Variants in HHLA1 observed in about 807,000 individuals in gnomAD.
HHLA1 encodes HERV-H LTR-associating protein 1.
Under a neutral mutation model 69.9 loss-of-function variants are expected in HHLA1, and 72 were observed. The ratio of observed to expected loss-of-function variants is 1.03; its 90% CI spans 0.85 to 1.25. HHLA1 has a LOEUF of 1.25. Ranked by LOEUF, HHLA1 falls within the 50% of genes most tolerant of loss-of-function variation. The probability of loss-of-function intolerance (pLI) is 0.00; values close to 1 mark genes in which losing one functional copy is unlikely to be tolerated. For missense variants in HHLA1, 685 were observed against 642.2 expected, an observed-to-expected ratio of 1.07 and a Z score of -0.72; for synonymous variants, 252 against 233.2, an observed-to-expected ratio of 1.08 and a Z score of -0.73.
intron 3 of HHLA1, among the ~76,000 whole-genome samples, chr8:132,103,110 G>A (rs1824138266): frequency 6.6e-6 from 1 of 152,172 alleles, no homozygotes; most frequent in East Asian, 1.9e-4. Context: ...TACCTGTGGG[G>A]CAGGAATTGT....
intron 10 of HHLA1, among the ~76,000 whole-genome samples, chr8:132,087,445 A>G (rs1823881450): frequency 6.6e-6 from 1 of 152,168 alleles, no homozygotes; most frequent in Non-Finnish European, 1.5e-5. Flanking sequence ...CCAGTTGCTT[A>G]TTGCCATGTG....
intron 10 of HHLA1, among the ~76,000 whole-genome samples, chr8:132,086,173 C>T (rs1321027582): frequency 2.0e-5 from 3 of 152,128 alleles, no homozygotes; most frequent in Non-Finnish European, 4.4e-5. Flanking sequence ...ATTAGTTTCA[C>T]TTTATATCTT....
intron 5 of HHLA1, among the ~76,000 whole-genome samples, chr8:132,097,575 G>A (rs1824045200): frequency 6.6e-6 from 1 of 152,218 alleles, no homozygotes; most frequent in Admixed American, 6.5e-5. Flanking sequence ...ACAGAGCCCA[G>A]TGCAGGGCCT....
At chr8:132,103,925 A>G (rs1210507542) in intron 3 of HHLA1, 183 bp downstream of exon 3, 3 of 553,920 alleles carry the variant, frequency 5.4e-6, no homozygotes, top group Non-Finnish European at 9.7e-6. Flanking sequence ...GGATTTATTA[A>G]GATCACAAGG....
intron 14 of HHLA1, among the ~76,000 whole-genome samples, chr8:132,074,874 G>A (rs762575842): frequency 1.3e-5 from 2 of 152,146 alleles, no homozygotes; most frequent in Admixed American, 6.6e-5. Context: ...TAAATAGATA[G>A]ATATGGTAAA....
chr8:132,064,915 C>T lies in HHLA1; in HGVS notation c.1553-877G>A, dbSNP rs748368221. Reference sequence around the variant, plus strand: ...GAAAGATTGGGTTATTACACTGTTTCGTTTGTTTGTTCAAATGTAAAACAT... The same window carrying T: ...GAAAGATTGGGTTATTACACTGTTTTGTTTGTTTGTTCAAATGTAAAACAT... On this transcript the variant is annotated intron_variant, in intron 16 of 16. Coordinates refer to ENST00000414222, the MANE Select transcript of HHLA1 (RefSeq NM_001145095.3). 5.9e-5 allele frequency among the ~76,000 whole-genome samples: 9 copies of T among 152,226 alleles called. No individual in the cohort carries two copies. The East Asian group carries it at 1.5e-3, about 26-fold the overall frequency.
At position 132,085,398 on chromosome 8, in the gene HHLA1, C is replaced by T. The variant is rs200222652; in HGVS notation, c.676+2255G>A. The T allele has an allele frequency of 4.3e-4, 156 of 365,992 alleles. No homozygotes were observed. In the East Asian group the frequency reaches 6.0e-3, roughly 14 times the overall value. The allele number at this position is 365,992 out of a possible 1,614,324, so 22.7% of individuals were successfully genotyped here. On this transcript the variant is annotated intron_variant, in intron 10 of 16. Transcript: ENST00000414222. ...GTTGGAGATGAGAGTAAAAAGAGGC[C>T]GCTTACCGGATTTGAAATTGGTGAG... is the stretch of plus-strand genomic sequence containing the variant.
At chr8:132,083,620 C>G (rs1333962441) in intron 10 of HHLA1, among the ~76,000 whole-genome samples, 2 of 152,150 alleles carry the variant, frequency 1.3e-5, no homozygotes, top group Non-Finnish European at 2.9e-5. Context: ...AGTGGGGTCC[C>G]ACACAGATGG....
rs767954341 is a variant in HHLA1 at position 132,104,090 on chromosome 8, C to T, written c.139+18G>A. On this transcript the variant is annotated intron_variant, in intron 3 of 16. Coordinates refer to ENST00000414222, the MANE Select transcript of HHLA1 (RefSeq NM_001145095.3). ...CCAAGAACAGTGAGCTGAAAAGGAG[C>T]CCTTATCACCCACTTACCTGTTGTA... 6.5e-7 allele frequency: 1 copy of T among 1,537,022 alleles called. No homozygotes were observed.
At chr8:132,095,809 GAGAC>G (rs1347516210) in intron 5 of HHLA1, 23 bp from the exon 6 acceptor site, 3 of 1,464,550 alleles carry the variant, frequency 2.0e-6, no homozygotes, top group Non-Finnish European at 2.8e-6. Context: ...ACCAGATAAA[GAGAC>G]AGACAGATGC....
chr8:132,087,632 G>C (rs1214909121), intron 10 of HHLA1, 21 bp downstream of exon 10: 2 of 1,510,660 alleles, frequency 1.3e-6, no homozygotes, highest in East Asian at 2.5e-5. Context: ...TATGGGAGGA[G>C]TTTGGGAGGT....
At chr8:132,071,642 C>T in intron 14 of HHLA1, 149 bp from the exon 15 acceptor site, 2 of 683,282 alleles carry the variant, frequency 2.9e-6, no homozygotes, top group East Asian at 2.9e-5. Flanking sequence ...CTCACCATTA[C>T]CCAATAAAGC....
Position 132,098,925 on chromosome 8 carries a change from G to A in HHLA1, c.237C>T (p.Asn79=), listed in dbSNP as rs1479500675. 1 of 1,551,362 alleles carries A rather than the reference G, an allele frequency of 6.4e-7. No individual in the cohort carries two copies. Residue 79 remains asparagine, a synonymous_variant, in exon 5 of 17, where the codon AAC becomes AAT. Transcript: ENST00000414222. ...GCATCCCATTCACAAGCTCTGTCAG[G>A]TTAAGCGCGGACAGATCGATTGACC... The part of the protein sequence containing the change: ...PARSIDLSAL[N]LTELVNGMLS...
At chr8:132,083,642 G>C (rs866284185) in intron 10 of HHLA1, among the ~76,000 whole-genome samples, 8 of 152,166 alleles carry the variant, frequency 5.3e-5, no homozygotes, top group South Asian at 4.1e-4. Flanking sequence ...ACGCGGCTTA[G>C]GAGGAATCCC....
At chr8:132,105,700 G>C (rs971251184) in intron 1 of HHLA1, among the ~76,000 whole-genome samples, 3 of 152,166 alleles carry the variant, frequency 2.0e-5, no homozygotes, top group African/African-American at 7.2e-5. Context: ...TTTGCTTGCA[G>C]CCCATACCAA....
intron 7 of HHLA1, among the ~76,000 whole-genome samples, chr8:132,089,928 C>T (rs183707197): frequency 3.9e-5 from 6 of 152,240 alleles, no homozygotes; most frequent in Admixed American, 1.3e-4. Flanking sequence ...CCCATTGTTT[C>T]GTCTAATTGT....
intron 5 of HHLA1, among the ~76,000 whole-genome samples, chr8:132,098,227 CAT>C (rs1337427364): frequency 1.3e-5 from 2 of 152,136 alleles, no homozygotes; most frequent in Non-Finnish European, 1.5e-5. Flanking sequence ...GTATGTGTTA[CAT>C]ACAAATCATT....
At position 132,063,067 on chromosome 8, in the gene HHLA1, A is replaced by C. The variant is rs1187822084; in HGVS notation, c.*928T>G. 1.3e-5 allele frequency: 2 copies of C among 152,272 alleles called. No individual in the cohort carries two copies. The highest frequency in any genetic ancestry group is 4.8e-5 in the African/African-American group (2 of 41,430). 9.4% of individuals were successfully genotyped at this position (152,272 alleles called of 1,614,324 possible). A position where few individuals can be genotyped will look rare whatever the true frequency, so the allele number is the denominator to read the frequency against. ...CTCCATACCCCCAAACATCCCCTGGACACCAAAACTTGGATGAGCTTTCCT... is the reference window on the plus strand; with the variant it reads ...CTCCATACCCCCAAACATCCCCTGGCCACCAAAACTTGGATGAGCTTTCCT... On this transcript the variant is annotated 3_prime_UTR_variant, in exon 17 of 17. Transcript: ENST00000414222.
chr8:132,074,928 G>A lies in HHLA1; in HGVS notation c.1315+1127C>T, dbSNP rs189502816. 3.3e-3 allele frequency among the ~76,000 whole-genome samples: 495 copies of A among 152,178 alleles called. 2 individuals are homozygous for A. Among genetic ancestry groups the A allele is most frequent in the Middle Eastern group, 0.014 (4 of 294 alleles). On this transcript the variant is annotated intron_variant, in intron 14 of 16. Coordinates refer to ENST00000414222, the MANE Select transcript of HHLA1 (RefSeq NM_001145095.3). ...ATAGAGCTAACAAGAGAGACAGATA[G>A]ATATAGTTATACAGATAGCTATAGA...
Sources: allele counts gnomAD v4.1 joint callset (sites outside exome capture counted in the v4.1 genomes callset), GRCh38; gene constraint gnomAD v4.1.1; transcripts MANE v1.5; gene names NCBI Gene and HGNC (gene_info 2026-07-23, HGNC 2026-07-21).